The following GNAQ variants were observed in gnomAD, a reference collection of about 807,000 sequenced individuals.
GNAQ encodes the protein G protein subunit alpha q, also known as guanine nucleotide-binding protein G(q) subunit alpha.
A neutral mutation model predicts 43.9 loss-of-function variants in GNAQ; 8 were observed. The ratio of observed to expected loss-of-function variants is 0.18; its 90% CI spans 0.11 to 0.33. The LOEUF (loss-of-function observed/expected upper bound fraction) is 0.33. Ranked by LOEUF, GNAQ falls within the 10% of genes least tolerant of loss-of-function variation. The pLI, the probability that GNAQ is intolerant of heterozygous loss-of-function variation, is 1.00. For synonymous variants in GNAQ, 155 were observed against 170.7 expected (o/e 0.91, Z 0.71); for missense variants, 158 against 450.8 (o/e 0.35, Z 5.88).
intron 2 of GNAQ, among the ~76,000 whole-genome samples, chr9:77,874,888 T>C (rs1175844126): frequency 6.6e-6 from 1 of 151,998 alleles, no homozygotes; most frequent in Non-Finnish European, 1.5e-5. Context: ...CCTAAAGTAC[T>C]GGGATTACAC....
intron 1 of GNAQ, among the ~76,000 whole-genome samples, chr9:77,957,355 C>CAA (rs201356086): frequency 1.4e-5 from 2 of 146,402 alleles, no homozygotes; most frequent in African/African-American, 2.5e-5. Flanking sequence ...GACTCAGTCT[C>CAA]AAAAAAAAAC....
At chr9:77,785,960 A>AT (rs1195119998) in intron 5 of GNAQ, among the ~76,000 whole-genome samples, 2 of 152,224 alleles carry the variant, frequency 1.3e-5, no homozygotes, top group Non-Finnish European at 2.9e-5. Context: ...TAGTGATTTG[A>AT]TAACTTTTAT....
intron 5 of GNAQ, among the ~76,000 whole-genome samples, chr9:77,737,040 C>A (rs1483939689): frequency 1.3e-5 from 2 of 152,230 alleles, no homozygotes; most frequent in Non-Finnish European, 2.9e-5. Flanking sequence ...CTATCCTTAA[C>A]TCTTTCCTTT....
Position 77,771,761 on chromosome 9 carries a change from TGTTA to T in GNAQ, c.735+22698_735+22701del, listed in dbSNP as rs1275247945. Among the ~76,000 whole-genome samples, 6 of 152,186 alleles carry T rather than the reference TGTTA, an allele frequency of 3.9e-5. No individual in the cohort carries two copies. In the South Asian group the frequency reaches 8.3e-4, roughly 21 times the overall value. On this transcript the variant is annotated intron_variant, in intron 5 of 6. Coordinates refer to ENST00000286548, the MANE Select transcript of GNAQ (RefSeq NM_002072.5). ...GGTTGCATGTCTGTGAAGCTGGCCC[TGTTA>T]GTGGAAGAAATGTTGCATACTGAAA...
Position 77,716,269 on chromosome 9 carries a change from C to T in GNAQ, c.*5054G>A, listed in dbSNP as rs906863421. The T allele has an allele frequency of 1.3e-5, 3 of 229,056 alleles. No homozygotes were observed. The highest frequency in any genetic ancestry group is 4.4e-5 in the African/African-American group (2 of 45,078). The allele number at this position is 229,056 out of a possible 1,614,324, so 14.2% of individuals were successfully genotyped here. On this transcript the variant is annotated 3_prime_UTR_variant, in exon 7 of 7. Transcript: ENST00000286548. ...CTCAACAATGAAGAATACTATAGTA[C>T]AAAATTATGGCCAAAAATACTGTAT...
intron 2 of GNAQ, among the ~76,000 whole-genome samples, chr9:77,863,743 T>C (rs1827899753): frequency 6.6e-6 from 1 of 152,064 alleles, no homozygotes; most frequent in African/African-American, 2.4e-5. Flanking sequence ...CTCACAATCA[T>C]GATGGAAGGC....
chr9:77,843,671 C>T (rs956072506), intron 2 of GNAQ, among the ~76,000 whole-genome samples: 2 of 152,044 alleles, frequency 1.3e-5, no homozygotes, highest in Non-Finnish European at 2.9e-5. Context: ...AATTGGCTTT[C>T]GAGGTGGAAG....
chr9:77,774,446 C>G (rs1173335400), intron 5 of GNAQ, among the ~76,000 whole-genome samples: 1 of 151,936 alleles, frequency 6.6e-6, no homozygotes, highest in African/African-American at 2.4e-5. Flanking sequence ...GCCTAAAATG[C>G]CTTTTAAAAA....
chr9:77,872,885 G>GT (rs1438788723), intron 2 of GNAQ, among the ~76,000 whole-genome samples: 7 of 152,166 alleles, frequency 4.6e-5, no homozygotes, highest in African/African-American at 1.7e-4. Flanking sequence ...CTCTCCCTCG[G>GT]TAAGGACCAA....
intron 1 of GNAQ, among the ~76,000 whole-genome samples, chr9:77,982,293 C>A (rs939755743): frequency 3.7e-4 from 56 of 152,134 alleles, no homozygotes; most frequent in Non-Finnish European, 6.5e-4. Context: ...ACTCCTGCCA[C>A]GCAGTTCAAA....
intron 5 of GNAQ, among the ~76,000 whole-genome samples, chr9:77,753,335 G>GTAAGAT (rs912437688): frequency 2.6e-5 from 4 of 152,084 alleles, no homozygotes; most frequent in African/African-American, 9.7e-5. Flanking sequence ...AAGGTTCAGG[G>GTAAGAT]TAAGATATGA....
intron 2 of GNAQ, among the ~76,000 whole-genome samples, chr9:77,868,606 G>A (rs1417734888): frequency 3.9e-5 from 6 of 151,976 alleles, no homozygotes; most frequent in Admixed American, 2.0e-4. Flanking sequence ...GACCATCCTG[G>A]CCAACATAGT....
In GNAQ at chr9:77,747,623, T is replaced by C. The variant is rs567026501; in HGVS notation, c.736-18956A>G. On this transcript the variant is annotated intron_variant, in intron 5 of 6. Coordinates refer to ENST00000286548, the MANE Select transcript of GNAQ (RefSeq NM_002072.5). ...AATGAAAAACAGGCACAGAATGGGA[T>C]GATGCATGGAATGAAGTTTGACATA... Among the ~76,000 whole-genome samples the C allele has an allele frequency of 1.2e-3, 178 of 152,334 alleles. 1 individual carries two copies. Among genetic ancestry groups the C allele is most frequent in the African/African-American group, 4.0e-3 (165 of 41,572 alleles).
chr9:77,819,492 C>T (rs375651824), intron 2 of GNAQ, among the ~76,000 whole-genome samples: 3 of 152,180 alleles, frequency 2.0e-5, no homozygotes, highest in South Asian at 4.1e-4. Flanking sequence ...CAGCTGAAGG[C>T]GGCTTTAGAC....
intron 3 of GNAQ, among the ~76,000 whole-genome samples, chr9:77,806,144 G>A (rs1321224105): frequency 6.6e-6 from 1 of 152,168 alleles, no homozygotes; most frequent in South Asian, 2.1e-4. Flanking sequence ...AGCAATGAGA[G>A]AGAAAGAGAG....
At chr9:77,880,681 T>C (rs1329161332) in intron 2 of GNAQ, among the ~76,000 whole-genome samples, 1 of 152,160 alleles carries the variant, frequency 6.6e-6, no homozygotes, top group Non-Finnish European at 1.5e-5. Context: ...CAAATTCTAT[T>C]TAGCTAAGTG....
intron 5 of GNAQ, among the ~76,000 whole-genome samples, chr9:77,783,249 G>C (rs1404142977): frequency 2.0e-5 from 3 of 152,068 alleles, no homozygotes; most frequent in Non-Finnish European, 4.4e-5. Flanking sequence ...GAAGATACAG[G>C]GGAAAATCTC....
At chr9:77,944,478 C>G (rs1221171481) in intron 1 of GNAQ, among the ~76,000 whole-genome samples, 1 of 152,088 alleles carries the variant, frequency 6.6e-6, no homozygotes, top group East Asian at 1.9e-4. Context: ...GAAACCAAAC[C>G]ATTCCTATTC....
At chr9:77,739,473 G>A (rs1825620944) in intron 5 of GNAQ, among the ~76,000 whole-genome samples, 1 of 152,046 alleles carries the variant, frequency 6.6e-6, no homozygotes, top group Admixed American at 6.6e-5. Flanking sequence ...TTACTAACTT[G>A]TCATTTTGAA....
Sources: allele counts gnomAD v4.1 joint callset (sites outside exome capture counted in the v4.1 genomes callset), GRCh38; gene constraint gnomAD v4.1.1; transcripts MANE v1.5; gene names NCBI Gene and HGNC (gene_info 2026-07-23, HGNC 2026-07-21).